GSAP: variants seen among roughly 807,000 people sequenced by gnomAD.
GSAP encodes the protein gamma-secretase-activating protein.
A neutral mutation model predicts 131.7 loss-of-function variants in GSAP; 118 were observed. The observed-to-expected ratio is 0.90, with a 90% confidence interval of 0.77 to 1.04. GSAP has a LOEUF of 1.04. Among genes scored for constraint, GSAP ranks in the 50% least tolerant of loss-of-function variants. The pLI is 0.00. For synonymous variants in GSAP, 381 were observed against 363.4 expected, an observed-to-expected ratio of 1.05 and a Z score of -0.55; for missense variants, 1,019 against 1,013.2, an observed-to-expected ratio of 1.01 and a Z score of -0.08.
At chr7:77,386,692 C>T (rs1468165793) in intron 6 of GSAP, among the ~76,000 whole-genome samples, 1 of 152,048 alleles carries the variant, frequency 6.6e-6, no homozygotes, top group Non-Finnish European at 1.5e-5. Flanking sequence ...GTGAAATCGC[C>T]AGGAAAAAGC....
chr7:77,354,353 A>G (rs1793349474), intron 16 of GSAP, among the ~76,000 whole-genome samples: 1 of 152,224 alleles, frequency 6.6e-6, no homozygotes, highest in East Asian at 1.9e-4. Context: ...TTGGGTCAGT[A>G]AAAGTTGAAT....
intron 5 of GSAP, among the ~76,000 whole-genome samples, chr7:77,393,550 C>T (rs752154696): frequency 4.6e-5 from 7 of 152,006 alleles, no homozygotes; most frequent in Admixed American, 3.9e-4. Flanking sequence ...ACATACACAC[C>T]CACATGCCCT....
intron 19 of GSAP, among the ~76,000 whole-genome samples, chr7:77,340,161 C>T (rs758058945): frequency 3.3e-5 from 5 of 152,200 alleles, no homozygotes; most frequent in African/African-American, 1.2e-4. Context: ...CGACTGAGCA[C>T]CTTGTGACAC....
intron 19 of GSAP, among the ~76,000 whole-genome samples, chr7:77,341,245 C>T (rs577876527): frequency 8.3e-4 from 127 of 152,220 alleles, no homozygotes; most frequent in Non-Finnish European, 1.6e-3. Flanking sequence ...TCTTCTTTCT[C>T]TCCTGTCTGT....
intron 19 of GSAP, among the ~76,000 whole-genome samples, chr7:77,346,171 G>A (rs772509053): frequency 8.7e-5 from 13 of 149,328 alleles, no homozygotes; most frequent in Non-Finnish European, 1.8e-4. Context: ...TCAGGAGGCT[G>A]AGGCAGGAGA....
intron 23 of GSAP, 29 bp from the exon 24 acceptor site, chr7:77,323,771 C>A: frequency 9.4e-7 from 1 of 1,058,250 alleles, no homozygotes; most frequent in South Asian, 1.3e-5. Flanking sequence ...TTAAATAAGT[C>A]ACAGCCTACC....
intron 19 of GSAP, among the ~76,000 whole-genome samples, chr7:77,340,363 C>T (rs181532163): frequency 2.6e-4 from 40 of 152,314 alleles, no homozygotes; most frequent in African/African-American, 6.5e-4. Flanking sequence ...CACAGACACA[C>T]GTGACATTTG....
chr7:77,391,143 A>G (rs1465970639), intron 5 of GSAP, among the ~76,000 whole-genome samples: 7 of 147,506 alleles, frequency 4.7e-5, no homozygotes, highest in East Asian at 4.1e-4. Context: ...AAAAAAAAAA[A>G]AAAAGAAAAA....
chr7:77,377,850 A>G (rs572449691), intron 8 of GSAP, among the ~76,000 whole-genome samples: 1 of 152,346 alleles, frequency 6.6e-6, no homozygotes, highest in Admixed American at 6.5e-5. Flanking sequence ...CAATTTGGCC[A>G]TAAACCAACC....
chr7:77,366,247 C>A (rs1795292601), intron 12 of GSAP, among the ~76,000 whole-genome samples: 2 of 152,054 alleles, frequency 1.3e-5, no homozygotes, highest in Admixed American at 6.6e-5. Context: ...AATTCGATCC[C>A]ATTTGTCAAT....
chr7:77,389,598 A>C (rs1313634819), intron 5 of GSAP, among the ~76,000 whole-genome samples: 1 of 152,080 alleles, frequency 6.6e-6, no homozygotes, highest in East Asian at 1.9e-4. Flanking sequence ...CCATGTCCCT[A>C]CAAAGGACAT....
chr7:77,386,566 T>C (rs1159334763), intron 6 of GSAP, among the ~76,000 whole-genome samples: 1 of 152,220 alleles, frequency 6.6e-6, no homozygotes, highest in Non-Finnish European at 1.5e-5. Flanking sequence ...TAGTAACTCA[T>C]GCCTGAATGA....
At chr7:77,389,199 T>A (rs987075588) in intron 5 of GSAP, among the ~76,000 whole-genome samples, 4 of 151,984 alleles carry the variant, frequency 2.6e-5, no homozygotes, top group South Asian at 4.1e-4. Flanking sequence ...TAGCACGAAC[T>A]GACATTTTTT....
intron 23 of GSAP, 94 bp from the exon 24 acceptor site, chr7:77,323,836 A>C (rs1189232015): frequency 3.7e-6 from 2 of 546,596 alleles, no homozygotes; most frequent in Non-Finnish European, 6.5e-6. Context: ...TTCTTCATCA[A>C]TATAAAAAAT....
intron 25 of GSAP, 44 bp from the exon 26 acceptor site, chr7:77,320,863 C>A: frequency 8.6e-7 from 1 of 1,163,138 alleles, no homozygotes; most frequent in African/African-American, 1.5e-5. Context: ...AGGAGCTCAT[C>A]TGTGATGCTC....
chr7:77,323,539 A>G, intron 24 of GSAP, 108 bp downstream of exon 24: 2 of 563,974 alleles, frequency 3.5e-6, no homozygotes, highest in Middle Eastern at 2.7e-4. Flanking sequence ...GAGATCTCCA[A>G]AAATCTAATT....
At chr7:77,376,788 A>T in intron 10 of GSAP, 60 bp downstream of exon 10, 1 of 803,100 alleles carries the variant, frequency 1.2e-6, no homozygotes, top group East Asian at 3.0e-5. Flanking sequence ...AAAAAAAAAA[A>T]AAAAAAAGAG....
intron 5 of GSAP, among the ~76,000 whole-genome samples, chr7:77,391,073 G>A (rs1328177667): frequency 7.4e-6 from 1 of 134,682 alleles, no homozygotes; most frequent in African/African-American, 2.8e-5. Flanking sequence ...GTTGCAGTGA[G>A]CTGAGATCAC....
intron 19 of GSAP, among the ~76,000 whole-genome samples, chr7:77,337,192 G>A (rs996958822): frequency 2.7e-5 from 4 of 146,382 alleles, no homozygotes; most frequent in Non-Finnish European, 6.0e-5. Context: ...TTGCTCTGTC[G>A]CCCAAGCTGG....
Sources: allele counts gnomAD v4.1 joint callset (sites outside exome capture counted in the v4.1 genomes callset), GRCh38; gene constraint gnomAD v4.1.1; transcripts MANE v1.5; gene names NCBI Gene and HGNC (gene_info 2026-07-23, HGNC 2026-07-21).